ERG: variants seen among roughly 807,000 people sequenced by gnomAD.
The protein encoded by ERG is ETS transcription factor ERG, also known as transcriptional regulator ERG.
In ERG, 9 loss-of-function variants were observed where a neutral mutation model predicts 55.3. The observed-to-expected ratio is 0.16, with a 90% CI of 0.10 to 0.28. ERG has a LOEUF of 0.28. Ranked by LOEUF, ERG falls within the 10% of genes least tolerant of loss-of-function variation. ERG has a pLI of 1.00. For missense variants in ERG, 434 were observed against 631.6 expected, an observed-to-expected ratio of 0.69 and a Z score of 3.35; for synonymous variants, 223 against 237.3, an observed-to-expected ratio of 0.94 and a Z score of 0.55.
intron 1 of ERG, among the ~76,000 whole-genome samples, chr21:38,457,174 C>T (rs1254132348): frequency 6.6e-6 from 1 of 152,172 alleles, no homozygotes; most frequent in Non-Finnish European, 1.5e-5. Context: ...GGGTGGCTCA[C>T]ACCTGTAATC....
At chr21:38,540,302 T>C (rs1372596144) in intron 2 of ERG, among the ~76,000 whole-genome samples, 1 of 152,186 alleles carries the variant, frequency 6.6e-6, no homozygotes, top group Non-Finnish European at 1.5e-5. Context: ...TAATTAACAA[T>C]GTTGTCCAAC....
rs1367320679 is a variant in ERG at position 38,460,212 on chromosome 21, T to C, written c.19-14591A>G. Among the ~76,000 whole-genome samples, 1 of 151,244 alleles carries C rather than the reference T, an allele frequency of 6.6e-6. No individual in the cohort carries two copies. ...ACCAAGAACAGCCAGGGAGGAGGGG[T>C]TACTGGAAAGGAGCGAAAGAAAGAA... On this transcript the variant is annotated intron_variant, in intron 1 of 9. Coordinates refer to ENST00000288319, the MANE Select transcript of ERG (RefSeq NM_182918.4). This position sits in a 1 kb window ranked among gnomAD's most constrained non-coding sequence, Gnocchi z 5.0.
intron 1 of ERG, among the ~76,000 whole-genome samples, chr21:38,584,455 T>C (rs1457596167): frequency 6.6e-6 from 1 of 152,162 alleles, no homozygotes; most frequent in African/African-American, 2.4e-5. Flanking sequence ...AGTAGTATGA[T>C]AGAAAAATGG....
chr21:38,419,818 C>T (rs1210126726), intron 3 of ERG, among the ~76,000 whole-genome samples: 2 of 151,968 alleles, frequency 1.3e-5, no homozygotes, highest in African/African-American at 4.8e-5. Context: ...GTATCAAAAC[C>T]AGGGTTGAGG....
chr21:38,486,283 T>C (rs924697127), intron 1 of ERG, among the ~76,000 whole-genome samples: 2 of 152,126 alleles, frequency 1.3e-5, no homozygotes, highest in Non-Finnish European at 1.5e-5. Flanking sequence ...ATAAAAACCA[T>C]TGTGTTAAGT....
At chr21:38,378,555 G>GATA (rs771318151), downstream of ERG, among the ~76,000 whole-genome samples, 1 of 152,196 alleles carries the variant, frequency 6.6e-6, no homozygotes, top group Non-Finnish European at 1.5e-5. Context: ...ATCAATGGGT[G>GATA]ATAAGGGTAA....
At chr21:38,413,614 C>G (rs1200161579) in intron 3 of ERG, among the ~76,000 whole-genome samples, 1 of 152,130 alleles carries the variant, frequency 6.6e-6, no homozygotes, top group Non-Finnish European at 1.5e-5. Context: ...TTGTTAGGCT[C>G]TAAACATAGC....
intron 1 of ERG, among the ~76,000 whole-genome samples, chr21:38,457,003 G>A (rs1555901909): frequency 6.6e-6 from 1 of 152,168 alleles, no homozygotes; most frequent in Non-Finnish European, 1.5e-5. Flanking sequence ...TTATGACTCT[G>A]GGAGTGCTGA....
chr21:38,543,559 T>C (rs970263908), intron 2 of ERG, among the ~76,000 whole-genome samples: 2 of 152,112 alleles, frequency 1.3e-5, no homozygotes, highest in African/African-American at 2.4e-5. Flanking sequence ...GCATCCACTA[T>C]GGGCTGGGAA....
the ERG span, among the ~76,000 whole-genome samples, chr21:38,374,154 C>T: frequency 2.0e-5 from 3 of 152,178 alleles, no homozygotes; most frequent in African/African-American, 7.2e-5. Context: ...GCCAATTTTT[C>T]GCTCTCTTGT....
chr21:38,568,174 A>G (rs137933472), intron 2 of ERG, among the ~76,000 whole-genome samples: 5 of 152,276 alleles, frequency 3.3e-5, no homozygotes, highest in Middle Eastern at 3.4e-3. Context: ...ATGTAACAGT[A>G]TCTCCCCTTC....
rs73906349 is a variant in ERG at position 38,592,821 on chromosome 21, C to T, written c.-149-7876G>A. ...GTCTGAGCCATGTATTGGCCATGAC[C>T]GCATACTTCTTGTCAGTCTTATTTC... On this transcript the variant is annotated intron_variant, in intron 1 of 10. Coordinates refer to the ERG transcript ENST00000398910. Among the ~76,000 whole-genome samples the T allele has an allele frequency of 2.7e-3, 418 of 152,246 alleles. 1 individual carries two copies. The highest frequency in any genetic ancestry group is 9.8e-3 in the African/African-American group (406 of 41,532).
chr21:38,469,771 G>T (rs1284505130), intron 1 of ERG, among the ~76,000 whole-genome samples: 1 of 152,198 alleles, frequency 6.6e-6, no homozygotes, highest in African/African-American at 2.4e-5. Flanking sequence ...ATAAAGCTGT[G>T]TTGGAGTAGT....
At chr21:38,428,471 T>A (rs1317631201) in intron 2 of ERG, among the ~76,000 whole-genome samples, 1 of 152,152 alleles carries the variant, frequency 6.6e-6, no homozygotes, top group Non-Finnish European at 1.5e-5. Context: ...TCTCACATGA[T>A]AAGGATTTGG....
chr21:38,635,683 A>T (rs2060383905), intron 1 of ERG, among the ~76,000 whole-genome samples: 1 of 152,248 alleles, frequency 6.6e-6, no homozygotes, highest in East Asian at 1.9e-4. Flanking sequence ...TCTGGAAGGC[A>T]TATAACTTTG....
At chr21:38,503,433 G>A (rs1421619877), upstream of ERG, among the ~76,000 whole-genome samples, 2 of 151,272 alleles carry the variant, frequency 1.3e-5, no homozygotes, top group South Asian at 2.1e-4. Context: ...GGCCATCTAT[G>A]CGGCATTAAT....
chr21:38,375,933 C>A (rs184840482), downstream of ERG, among the ~76,000 whole-genome samples: 1 of 152,300 alleles, frequency 6.6e-6, no homozygotes, highest in Non-Finnish European at 1.5e-5. Flanking sequence ...CTGTCTTACC[C>A]CTTCTATCTA....
At chr21:38,525,167 G>A (rs2059621326) in intron 2 of ERG, among the ~76,000 whole-genome samples, 1 of 152,110 alleles carries the variant, frequency 6.6e-6, no homozygotes, top group Non-Finnish European at 1.5e-5. Context: ...AAGGAAATGA[G>A]CAGAGTCAAC....
At chr21:38,566,994 C>T (rs2059926965) in intron 2 of ERG, among the ~76,000 whole-genome samples, 1 of 152,200 alleles carries the variant, frequency 6.6e-6, no homozygotes, top group Admixed American at 6.5e-5. Context: ...TCCTCCAAAC[C>T]CCTCTTACAC....
Sources: allele counts gnomAD v4.1 joint callset (sites outside exome capture counted in the v4.1 genomes callset), GRCh38; gene constraint gnomAD v4.1.1; non-coding constraint Gnocchi (gnomAD v3.1); transcripts MANE v1.5; gene names NCBI Gene and HGNC (gene_info 2026-07-23, HGNC 2026-07-21).